The following MYT1L variants were observed in gnomAD, a reference collection of about 807,000 sequenced individuals.
The protein encoded by MYT1L is myelin transcription factor 1-like protein.
In MYT1L, 12 loss-of-function variants were observed where a neutral mutation model predicts 126.7. That is an observed-to-expected ratio of 0.09 (90% CI 0.06 to 0.15). MYT1L has a LOEUF of 0.15. Among genes scored for constraint, MYT1L ranks in the 10% least tolerant of loss-of-function variants. The pLI is 1.00. For missense variants in MYT1L, 979 were observed against 1,585.2 expected (o/e 0.62, Z 6.49); for synonymous variants, 541 against 604.2 (o/e 0.90, Z 1.53).
chr2:1,826,443 T>C (rs1265192054), intron 21 of MYT1L, among the ~76,000 whole-genome samples: 1 of 152,106 alleles, frequency 6.6e-6, no homozygotes, highest in East Asian at 1.9e-4. Context: ...CGCTCCACCC[T>C]GGTCAGCGCT....
intron 4 of MYT1L, among the ~76,000 whole-genome samples, chr2:2,008,240 G>GA (rs2063511333): frequency 6.6e-6 from 1 of 152,218 alleles, no homozygotes; most frequent in Non-Finnish European, 1.5e-5. Flanking sequence ...AACTGTCCTT[G>GA]AAAATCCCTT....
chr2:1,995,975 A>G (rs1574330198), intron 5 of MYT1L, among the ~76,000 whole-genome samples: 1 of 152,220 alleles, frequency 6.6e-6, no homozygotes, highest in East Asian at 1.9e-4. Context: ...GAAGTGACTG[A>G]TATGGAAGAG....
At chr2:2,017,482 T>G (rs1278312735) in intron 4 of MYT1L, among the ~76,000 whole-genome samples, 1 of 152,170 alleles carries the variant, frequency 6.6e-6, no homozygotes, top group Admixed American at 6.5e-5. Context: ...AGTTGCAGGT[T>G]CCCCCTTCAT....
chr2:2,325,086 A>G (rs2096228284), intron 1 of MYT1L: 1 of 152,530 alleles, frequency 6.6e-6, no homozygotes, highest in African/African-American at 2.4e-5. Context: ...GCTACCAGCT[A>G]GGCAATATAT....
In MYT1L at chr2:2,228,473, T is replaced by A. The variant is rs533202130; in HGVS notation, c.-420-55485A>T. On this transcript the variant is annotated intron_variant, in intron 2 of 24. Coordinates refer to ENST00000647738, the MANE Select transcript of MYT1L (RefSeq NM_001303052.2). This position sits in a 1 kb window ranked among gnomAD's most constrained non-coding sequence, Gnocchi z 5.9. Reference sequence around the variant, plus strand: ...GTTATCTAATTAAATAGTTAAGATTTTTGCTGAAATCAGCAAGACAAATTG... The same window carrying A: ...GTTATCTAATTAAATAGTTAAGATTATTGCTGAAATCAGCAAGACAAATTG... Among the ~76,000 whole-genome samples the A allele has an allele frequency of 1.5e-4, 23 of 152,342 alleles. No homozygotes were observed. Among genetic ancestry groups the A allele is most frequent in the African/African-American group, 5.5e-4 (23 of 41,592 alleles).
At chr2:2,290,128 G>A (rs1245795726) in intron 1 of MYT1L, among the ~76,000 whole-genome samples, 2 of 152,172 alleles carry the variant, frequency 1.3e-5, no homozygotes, top group Admixed American at 1.3e-4. Context: ...GCAGGACATG[G>A]GCAGAGAAGC....
chr2:1,873,041 CCT>C (rs1209245213), intron 18 of MYT1L, among the ~76,000 whole-genome samples: 2 of 152,156 alleles, frequency 1.3e-5, no homozygotes, highest in Non-Finnish European at 2.9e-5. Flanking sequence ...CCAGCTCCTG[CCT>C]CCTGCCTTGG....
At chr2:1,847,790 C>T (rs943215023) in intron 19 of MYT1L, among the ~76,000 whole-genome samples, 2 of 152,138 alleles carry the variant, frequency 1.3e-5, no homozygotes, top group Non-Finnish European at 2.9e-5. Flanking sequence ...GACGGAGAGT[C>T]GGCAAAGCAG....
Position 1,791,694 on chromosome 2 carries a change from A to G in MYT1L, c.*173T>C, listed in dbSNP as rs2147781365. The G allele has an allele frequency of 3.2e-6, 2 of 622,270 alleles. No individual in the cohort carries two copies. Among genetic ancestry groups the G allele is most frequent in the Non-Finnish European group, 5.2e-6 (2 of 384,026 alleles). The allele number at this position is 622,270 out of a possible 1,614,324, so 38.5% of individuals were successfully genotyped here. A position where few individuals can be genotyped will look rare whatever the true frequency, so the allele number is the denominator to read the frequency against. On this transcript the variant is annotated 3_prime_UTR_variant, in exon 25 of 25. Transcript: ENST00000647738. This position sits in a 1 kb window ranked among gnomAD's most constrained non-coding sequence, Gnocchi z 6.0. ...CAAAATGTGGGTGTATTCAAAAACT[A>G]TTCTGCAGGTACTATCTTTAAAGCA...
At chr2:2,197,021 C>G (rs763076558) in intron 2 of MYT1L, among the ~76,000 whole-genome samples, 1 of 151,858 alleles carries the variant, frequency 6.6e-6, no homozygotes. Flanking sequence ...TATTACAGTG[C>G]GAATGTTAAG....
intron 3 of MYT1L, among the ~76,000 whole-genome samples, chr2:2,113,562 C>T (rs946868057): frequency 1.3e-5 from 2 of 152,204 alleles, no homozygotes; most frequent in Non-Finnish European, 2.9e-5. Context: ...TGGTCCATCT[C>T]ACTCTCCTCA....
At chr2:2,164,456 T>C (rs886835777) in intron 3 of MYT1L, among the ~76,000 whole-genome samples, 2 of 152,326 alleles carry the variant, frequency 1.3e-5, no homozygotes, top group Admixed American at 6.5e-5. Context: ...GTGGGGATCA[T>C]GACATCTCTT....
intron 1 of MYT1L, among the ~76,000 whole-genome samples, chr2:2,295,018 A>T (rs1329443051): frequency 6.6e-6 from 1 of 152,162 alleles, no homozygotes; most frequent in Non-Finnish European, 1.5e-5. Context: ...CCGGATCAGC[A>T]GGTGAACACC....
At chr2:1,839,424 G>C in intron 20 of MYT1L, 54 bp from the exon 21 acceptor site, 1 of 1,510,292 alleles carries the variant, frequency 6.6e-7, no homozygotes, top group South Asian at 1.2e-5. Flanking sequence ...TCGCCTGGTG[G>C]CTTCTGTAAC....
At chr2:1,945,526 G>A (rs946817728) in intron 8 of MYT1L, among the ~76,000 whole-genome samples, 1 of 152,194 alleles carries the variant, frequency 6.6e-6, no homozygotes, top group Non-Finnish European at 1.5e-5. Context: ...TGTGGACCAG[G>A]AGGAGCTTGC....
At chr2:2,306,066 G>A (rs2095853671) in intron 1 of MYT1L, 1 of 152,222 alleles carries the variant, frequency 6.6e-6, no homozygotes, top group Non-Finnish European at 1.5e-5. Context: ...ACAGGAGCAA[G>A]GTCAAAGGCT....
intron 2 of MYT1L, among the ~76,000 whole-genome samples, chr2:2,267,642 T>TGAAGTGGGAAGGTGCA (rs1363415252): frequency 3.3e-5 from 5 of 152,078 alleles, no homozygotes; most frequent in Non-Finnish European, 4.4e-5. Flanking sequence ...CTTGGTGGGC[T>TGAAGTGGGAAGGTGCA]GAAGTGGGAA....
intron 18 of MYT1L, chr2:1,883,862 G>C (rs919249892): frequency 2.6e-5 from 4 of 152,232 alleles, no homozygotes; most frequent in African/African-American, 9.7e-5. Flanking sequence ...GAAAGCAACA[G>C]TCCCAGAGTT....
rs548352021 is a variant in MYT1L at position 2,328,316 on chromosome 2, A to C, written c.-521+2651T>G. On this transcript the variant is annotated intron_variant, in intron 1 of 24. Coordinates refer to ENST00000647738, the MANE Select transcript of MYT1L (RefSeq NM_001303052.2). ...GGTACAAAATAGAAACATTTTCAAG[A>C]GAGTAAAAAATAAATAAATAAATTA... 2.6e-5 allele frequency among the ~76,000 whole-genome samples: 4 copies of C among 152,346 alleles called. No homozygotes were observed. The East Asian group carries it at 7.7e-4, about 29-fold the overall frequency.
Sources: allele counts gnomAD v4.1 joint callset (sites outside exome capture counted in the v4.1 genomes callset), GRCh38; gene constraint gnomAD v4.1.1; non-coding constraint Gnocchi (gnomAD v3.1); transcripts MANE v1.5; gene names NCBI Gene and HGNC (gene_info 2026-07-23, HGNC 2026-07-21).